Variants in LINGO1 observed in about 807,000 individuals in gnomAD.
The protein encoded by LINGO1 is leucine rich repeat and Ig domain containing 1.
A neutral mutation model predicts 37.3 loss-of-function variants in LINGO1; 11 were observed. The observed-to-expected ratio is 0.29, with a 90% confidence interval of 0.19 to 0.49. LINGO1 has a LOEUF of 0.49. Among genes scored for constraint, LINGO1 ranks in the 20% least tolerant of loss-of-function variants. The pLI, the probability that LINGO1 is intolerant of heterozygous loss-of-function variation, is 0.99. For missense variants in LINGO1, 585 were observed against 878.2 expected (o/e 0.67, Z 4.22); for synonymous variants, 387 against 403.0 (o/e 0.96, Z 0.48).
chr15:77,682,404 C>T (rs570718550), intron 2 of LINGO1, among the ~76,000 whole-genome samples: 18 of 151,962 alleles, frequency 1.2e-4, no homozygotes, highest in African/African-American at 4.3e-4. Flanking sequence ...CACCAATCTC[C>T]AGAATTTCCA....
intron 3 of LINGO1, among the ~76,000 whole-genome samples, chr15:77,662,159 G>A (rs2075008223): frequency 6.6e-6 from 1 of 152,162 alleles, no homozygotes; most frequent in African/African-American, 2.4e-5. Context: ...GTGAGTGTGT[G>A]TGACCCTGGC....
chr15:77,619,144 G>GTATATT (rs56201835), intron 1 of LINGO1, among the ~76,000 whole-genome samples: 1 of 151,252 alleles, frequency 6.6e-6, no homozygotes, highest in Middle Eastern at 3.3e-3. Context: ...CTCCTGTAAT[G>GTATATT]TAATCCTGGT....
intron 1 of LINGO1, among the ~76,000 whole-genome samples, chr15:77,739,076 C>T (rs1178281859): frequency 6.6e-6 from 1 of 152,196 alleles, no homozygotes; most frequent in South Asian, 2.1e-4. Context: ...AGGGAGTCTG[C>T]GGCTCTCACA....
intron 1 of LINGO1, among the ~76,000 whole-genome samples, chr15:77,784,010 G>T (rs565083924): frequency 9.9e-4 from 151 of 152,340 alleles, no homozygotes; most frequent in African/African-American, 3.5e-3. Flanking sequence ...CAGGGAGGAC[G>T]GTGCTGCGCC....
At chr15:77,790,687 G>A (rs1296932274), upstream of LINGO1, among the ~76,000 whole-genome samples, 2 of 152,174 alleles carry the variant, frequency 1.3e-5, no homozygotes, top group African/African-American at 2.4e-5. Context: ...ACCACGTGCT[G>A]GGCCCCCCGC....
At chr15:77,644,873 T>C (rs551658663) in intron 3 of LINGO1, among the ~76,000 whole-genome samples, 2 of 151,966 alleles carry the variant, frequency 1.3e-5, no homozygotes, top group East Asian at 3.9e-4. Flanking sequence ...CTGGGTGGGC[T>C]CTCCTCTATG....
At chr15:77,720,276 C>A (rs11855853) in intron 2 of LINGO1, among the ~76,000 whole-genome samples, 1 of 151,766 alleles carries the variant, frequency 6.6e-6, no homozygotes, top group East Asian at 1.9e-4. Context: ...GAGGAGTAAA[C>A]GGCGTTTTTA....
intron 1 of LINGO1, among the ~76,000 whole-genome samples, chr15:77,765,722 T>A (rs1196026067): frequency 6.6e-6 from 1 of 152,068 alleles, no homozygotes; most frequent in Non-Finnish European, 1.5e-5. Context: ...GAAGGAGTAG[T>A]TGAGTTTGTA....
chr15:77,804,521 G>T (rs1280172533), intron 1 of LINGO1, among the ~76,000 whole-genome samples: 1 of 152,216 alleles, frequency 6.6e-6, no homozygotes, highest in African/African-American at 2.4e-5. Context: ...AGGTCAGAGT[G>T]AGTGAGCGAC....
intron 1 of LINGO1, among the ~76,000 whole-genome samples, chr15:77,806,742 C>T (rs1490594491): frequency 3.9e-5 from 6 of 152,098 alleles, no homozygotes; most frequent in Non-Finnish European, 7.4e-5. Context: ...GTGCCTCTCC[C>T]CACAGCACAG....
At chr15:77,699,943 G>A (rs1349473106), upstream of LINGO1, among the ~76,000 whole-genome samples, 1 of 152,230 alleles carries the variant, frequency 6.6e-6, no homozygotes. Context: ...ACCCAGTAGG[G>A]AAGGGGCTGA....
At chr15:77,621,572 CA>C (rs371925463) in intron 1 of LINGO1, among the ~76,000 whole-genome samples, 104 of 151,736 alleles carry the variant, frequency 6.9e-4, no homozygotes, top group South Asian at 3.7e-3. Context: ...CAGGCCAGGC[CA>C]GGGGAGGGGC....
chr15:77,782,639 T>C (rs985672848), intron 1 of LINGO1, among the ~76,000 whole-genome samples: 7 of 151,988 alleles, frequency 4.6e-5, no homozygotes, highest in Non-Finnish European at 8.8e-5. Flanking sequence ...TTGGGCCAAA[T>C]TGAACCCGCC....
At chr15:77,644,933 G>T (rs2074591385) in intron 3 of LINGO1, among the ~76,000 whole-genome samples, 1 of 152,274 alleles carries the variant, frequency 6.6e-6, no homozygotes, top group Middle Eastern at 3.4e-3. Flanking sequence ...GAGAGATCTA[G>T]AAGGCCCCAG....
rs751878689 is a variant in LINGO1, at chr15:77,718,114, C to T, written c.-195+16878G>A. Among the ~76,000 whole-genome samples, 5 of 150,822 alleles carry T rather than the reference C, an allele frequency of 3.3e-5. 1 individual carries two copies. The highest frequency in any genetic ancestry group is 7.4e-5 in the Non-Finnish European group (5 of 67,568). On this transcript the variant is annotated intron_variant, in intron 2 of 3. Coordinates refer to the LINGO1 transcript ENST00000561686. Reference sequence around the variant, plus strand: ...ATGGGAGCAGGGCTCCCAGCCCAGGCCTGAGCTCACATCACTGACTCGCTA... The same window carrying T: ...ATGGGAGCAGGGCTCCCAGCCCAGGTCTGAGCTCACATCACTGACTCGCTA...
intron 2 of LINGO1, among the ~76,000 whole-genome samples, chr15:77,680,214 G>T (rs1311687000): frequency 6.6e-6 from 1 of 152,194 alleles, no homozygotes; most frequent in Non-Finnish European, 1.5e-5. Flanking sequence ...CTGAGTTGTT[G>T]TGTGGACCAG....
At chr15:77,801,719 G>A (rs554908384) in intron 1 of LINGO1, among the ~76,000 whole-genome samples, 3 of 152,028 alleles carry the variant, frequency 2.0e-5, no homozygotes, top group South Asian at 2.1e-4. Flanking sequence ...CCCCACCCTC[G>A]TATCCTGAGG....
At chr15:77,630,918 G>A (rs1267620039) in intron 1 of LINGO1, among the ~76,000 whole-genome samples, 6 of 152,190 alleles carry the variant, frequency 3.9e-5, no homozygotes, top group Admixed American at 1.3e-4. Flanking sequence ...CTCGGGCCAC[G>A]GGTAGAAAGC....
At chr15:77,668,546 G>C (rs2075182495) in intron 3 of LINGO1, among the ~76,000 whole-genome samples, 1 of 152,194 alleles carries the variant, frequency 6.6e-6, no homozygotes, top group African/African-American at 2.4e-5. Flanking sequence ...GGGCCCAGTT[G>C]AGAAGCCCCT....
Sources: allele counts gnomAD v4.1 joint callset (sites outside exome capture counted in the v4.1 genomes callset), GRCh38; gene constraint gnomAD v4.1.1; transcripts MANE v1.5; gene names NCBI Gene and HGNC (gene_info 2026-07-23, HGNC 2026-07-21).